The following TDRD7 variants were observed in gnomAD, a reference collection of about 807,000 sequenced individuals.
The protein encoded by TDRD7 is tudor domain containing 7, also known as tudor domain-containing protein 7.
A neutral mutation model predicts 109.8 loss-of-function variants in TDRD7; 47 were observed. The observed-to-expected ratio is 0.43, with a 90% CI of 0.34 to 0.55. TDRD7 has a LOEUF of 0.55. Ranked by LOEUF, TDRD7 falls within the 20% of genes least tolerant of loss-of-function variation. The probability of loss-of-function intolerance (pLI) is 0.03; values close to 1 mark genes in which losing one functional copy is unlikely to be tolerated. For missense variants in TDRD7, 1,164 were observed against 1,319.2 expected (o/e 0.88, Z 1.82); for synonymous variants, 424 against 457.3 (o/e 0.93, Z 0.93).
intron 2 of TDRD7, among the ~76,000 whole-genome samples, chr9:97,430,188 C>T (rs977471351): frequency 1.3e-5 from 2 of 152,146 alleles, no homozygotes; most frequent in South Asian, 2.1e-4. Flanking sequence ...AATCTTTTTT[C>T]GATATCATAT....
At chr9:97,418,141 G>A (rs986469138) in intron 1 of TDRD7, among the ~76,000 whole-genome samples, 1 of 152,058 alleles carries the variant, frequency 6.6e-6, no homozygotes, top group Non-Finnish European at 1.5e-5. Flanking sequence ...AAATAAAGGG[G>A]GAGTGAAAGT....
intron 16 of TDRD7, among the ~76,000 whole-genome samples, chr9:97,493,815 G>A (rs974871689): frequency 1.3e-5 from 2 of 152,096 alleles, no homozygotes; most frequent in Non-Finnish European, 1.5e-5. Flanking sequence ...AGAATTCAGC[G>A]ATATTTCTCC....
intron 14 of TDRD7, among the ~76,000 whole-genome samples, 167 bp from the exon 15 acceptor site, chr9:97,482,682 A>G (rs1829135592): frequency 2.6e-5 from 4 of 152,228 alleles, no homozygotes; most frequent in Admixed American, 2.6e-4. Context: ...TTGACTTCAG[A>G]GCCCATTCAT....
chr9:97,481,423 C>G (rs1564214188), intron 14 of TDRD7, among the ~76,000 whole-genome samples: 1 of 152,142 alleles, frequency 6.6e-6, no homozygotes, highest in Non-Finnish European at 1.5e-5. Context: ...TTCACTAGCT[C>G]TTGTTTCTTT....
In TDRD7 at chr9:97,483,063, A is replaced by AT; in HGVS notation, c.2630dup (p.Arg878GlnfsTer60). The AT allele has an allele frequency of 6.2e-7, 1 of 1,614,174 alleles. No individual in the cohort carries two copies. The highest frequency in any genetic ancestry group is 8.5e-7 in the Non-Finnish European group (1 of 1,180,020). ...CCCATGTCGGGCAACACTGGAGAGA[A>AT]TTTCAGAAAGAACCTCACAGATGTC... is the stretch of plus-strand genomic sequence containing the variant. On this transcript the variant is annotated frameshift_variant, in exon 15 of 17. Coordinates refer to ENST00000355295, the MANE Select transcript of TDRD7 (RefSeq NM_014290.3). LOFTEE classifies it high-confidence loss of function.
intron 8 of TDRD7, among the ~76,000 whole-genome samples, chr9:97,468,097 A>G (rs1278381170): frequency 6.6e-6 from 1 of 152,252 alleles, no homozygotes; most frequent in Non-Finnish European, 1.5e-5. Flanking sequence ...CAGATGTCAC[A>G]TGGATGAATT....
In TDRD7 at chr9:97,473,497, C is replaced by T. The variant is rs769740908; in HGVS notation, c.1950C>T (p.Asp650=). 3.3e-5 allele frequency: 53 copies of T among 1,613,380 alleles called. 1 individual carries two copies. Among genetic ancestry groups the T allele is most frequent in the Admixed American group, 2.3e-4 (14 of 59,978 alleles). The part of the protein sequence containing the change: ...DKSLEVHLQV[D]AMYTNVKVTN... The stretch of plus-strand genomic sequence containing the variant: ...GTATCCTTTGTCTGTTATAGGTTGA[C>T]GCCATGTACACAAATGTCAAAGTAA... Residue 650 remains aspartate, a synonymous_variant, in exon 11 of 17, where the codon GAC becomes GAT. Coordinates refer to ENST00000355295, the MANE Select transcript of TDRD7 (RefSeq NM_014290.3).
At chr9:97,418,528 A>G (rs970564883) in intron 1 of TDRD7, among the ~76,000 whole-genome samples, 47 of 151,202 alleles carry the variant, frequency 3.1e-4, no homozygotes, top group African/African-American at 1.2e-3. Context: ...CTCTACCTGA[A>G]TGCCGCTCCT....
chr9:97,477,469 A>G (rs886368330), intron 12 of TDRD7, among the ~76,000 whole-genome samples: 2 of 152,150 alleles, frequency 1.3e-5, no homozygotes, highest in African/African-American at 4.8e-5. Context: ...CAATTTGAGT[A>G]TCTTCATGTT....
chr9:97,493,998 T>C (rs1174970616), intron 16 of TDRD7, among the ~76,000 whole-genome samples: 4 of 152,200 alleles, frequency 2.6e-5, no homozygotes, highest in African/African-American at 7.2e-5. Context: ...ATTTGTGCAG[T>C]TAACGCAATC....
chr9:97,490,541 T>C (rs1829286346), intron 16 of TDRD7, among the ~76,000 whole-genome samples: 2 of 116,128 alleles, frequency 1.7e-5, no homozygotes, highest in South Asian at 6.8e-4. Flanking sequence ...TGCCTAGATA[T>C]ATTTTGGTGG....
rs1475606510 is a variant in TDRD7, at chr9:97,496,041, T to G, written c.*158T>G. ...TTGATGAAAGATATTTAACAAGTTT[T>G]GTTTTAACAGAGTTGACTTTTCAAA... On this transcript the variant is annotated 3_prime_UTR_variant, in exon 17 of 17. Coordinates refer to ENST00000355295, the MANE Select transcript of TDRD7 (RefSeq NM_014290.3). 6.1e-6 allele frequency: 4 copies of G among 658,924 alleles called. No individual in the cohort carries two copies. In the African/African-American group the frequency reaches 7.3e-5, roughly 12 times the overall value. 40.8% of individuals were successfully genotyped at this position (658,924 alleles called of 1,614,324 possible). A position where few individuals can be genotyped will look rare whatever the true frequency, so the allele number is the denominator to read the frequency against.
intron 4 of TDRD7, among the ~76,000 whole-genome samples, chr9:97,438,288 G>C (rs1427427113): frequency 6.6e-6 from 1 of 152,078 alleles, no homozygotes. Flanking sequence ...ATTTCTTTTA[G>C]AATTAAAATT....
intron 6 of TDRD7, among the ~76,000 whole-genome samples, chr9:97,445,120 TTG>T (rs1051098160): frequency 2.0e-5 from 3 of 152,108 alleles, no homozygotes; most frequent in African/African-American, 7.2e-5. Flanking sequence ...GAAGTGGAAA[TTG>T]TGCAGAAACT....
At chr9:97,435,942 A>C (rs1828187669) in intron 4 of TDRD7, among the ~76,000 whole-genome samples, 1 of 152,164 alleles carries the variant, frequency 6.6e-6, no homozygotes, top group Non-Finnish European at 1.5e-5. Flanking sequence ...GAAAGCTGTA[A>C]ATGATCTTCC....
chr9:97,416,235 CA>C (rs1367297037), intron 1 of TDRD7, among the ~76,000 whole-genome samples: 2 of 152,128 alleles, frequency 1.3e-5, no homozygotes, highest in Non-Finnish European at 2.9e-5. Flanking sequence ...AAAAGGCAGG[CA>C]GGGGGAGGGA....
Position 97,428,646 on chromosome 9 carries a change from A to G in TDRD7, c.181A>G (p.Arg61Gly). ...TCTGAGAAGTGTGCCAGCAGTGGTC[A>G]GGATAGAGACTAGTAGATCTGGAGA... ...AYLRSVPAVV[R>G]IETSRSGEIT... Residue 61 changes from arginine (R) to glycine (G), a missense_variant, in exon 2 of 17, where the codon AGG becomes GGG. By Grantham distance (125) the Arg-to-Gly change is moderately radical (BLOSUM62 -2). Coordinates refer to ENST00000355295, the MANE Select transcript of TDRD7 (RefSeq NM_014290.3). The G allele has an allele frequency of 1.2e-6, 2 of 1,613,932 alleles. No homozygotes were observed. Among genetic ancestry groups the G allele is most frequent in the Non-Finnish European group, 1.7e-6 (2 of 1,179,932 alleles).
intron 6 of TDRD7, among the ~76,000 whole-genome samples, chr9:97,452,333 A>G (rs1430159457): frequency 1.3e-5 from 2 of 152,276 alleles, no homozygotes; most frequent in Non-Finnish European, 1.5e-5. Flanking sequence ...GTTGAAGGAT[A>G]TCTGAATCAA....
intron 1 of TDRD7, among the ~76,000 whole-genome samples, chr9:97,416,420 T>A (rs1330100587): frequency 6.6e-6 from 1 of 152,210 alleles, no homozygotes; most frequent in Non-Finnish European, 1.5e-5. Flanking sequence ...GTTGTGAATT[T>A]AATATCAGTT....
Sources: allele counts gnomAD v4.1 joint callset (sites outside exome capture counted in the v4.1 genomes callset), GRCh38; gene constraint gnomAD v4.1.1; transcripts MANE v1.5; gene names NCBI Gene and HGNC (gene_info 2026-07-23, HGNC 2026-07-21).